Variants in PNPLA1 observed in about 807,000 individuals in gnomAD.
PNPLA1 encodes omega-hydroxyceramide transacylase.
Under a neutral mutation model 51.7 loss-of-function variants are expected in PNPLA1, and 36 were observed. That is an observed-to-expected ratio of 0.70 (90% CI 0.53 to 0.92). The LOEUF is 0.92. PNPLA1 is among the 40% of genes least tolerant of loss of function. PNPLA1 has a pLI of 0.00. For missense variants in PNPLA1, 658 were observed against 682.5 expected (o/e 0.96, Z 0.40); for synonymous variants, 293 against 280.1 (o/e 1.05, Z -0.46).
chr6:36,260,328 G>T (rs953854109), intron 1 of PNPLA1, among the ~76,000 whole-genome samples: 2 of 152,128 alleles, frequency 1.3e-5, no homozygotes, highest in African/African-American at 4.8e-5. Context: ...AATGGCAATT[G>T]ATGGTGAGAT....
At chr6:36,298,128 A>G (rs1403529347) in intron 5 of PNPLA1, among the ~76,000 whole-genome samples, 3 of 152,186 alleles carry the variant, frequency 2.0e-5, no homozygotes, top group African/African-American at 7.2e-5. Flanking sequence ...ATGTATAAAT[A>G]GTTTGTTCCT....
intron 5 of PNPLA1, among the ~76,000 whole-genome samples, chr6:36,296,840 T>G (rs1770872065): frequency 6.6e-6 from 1 of 152,060 alleles, no homozygotes; most frequent in South Asian, 2.1e-4. Flanking sequence ...TTTCCTAATC[T>G]GTAAAAAAAA....
At chr6:36,304,024 A>G (rs1269557070) in intron 6 of PNPLA1, among the ~76,000 whole-genome samples, 1 of 152,124 alleles carries the variant, frequency 6.6e-6, no homozygotes, top group East Asian at 1.9e-4. Context: ...TGGAGTAGAA[A>G]GAGCATTTCC....
At position 36,294,305 on chromosome 6, in the gene PNPLA1, T is replaced by G; in HGVS notation, c.620T>G (p.Ile207Ser). The change falls in exon 4 of 9, where the codon ATC becomes AGC. Residue 207 changes from isoleucine to serine, a missense_variant. Physicochemically the swap from Ile to Ser is moderately radical, Grantham distance 142. Coordinates refer to ENST00000636260, the MANE Select transcript of PNPLA1 (RefSeq NM_001374623.1). The surrounding 1 kb of genome is among the most constrained non-coding windows in gnomAD (Gnocchi z 4.2). ...ATCTGTCCCCGGGACTGCCCGGCCA[T>G]CTTCCACGACTTCCGCATGTTCAAC... is the stretch of plus-strand genomic sequence containing the variant. ...QDICPRDCPA[I>S]FHDFRMFNCS... 6.2e-7 allele frequency: 1 copy of G among 1,614,200 alleles called. No individual in the cohort carries two copies. Among genetic ancestry groups the G allele is most frequent in the Non-Finnish European group, 8.5e-7 (1 of 1,180,030 alleles).
intron 2 of PNPLA1, among the ~76,000 whole-genome samples, chr6:36,292,536 T>C (rs989949760): frequency 6.6e-6 from 1 of 152,180 alleles, no homozygotes; most frequent in African/African-American, 2.4e-5. Context: ...TGCCTGCTGC[T>C]GAAACCCAGT....
At position 36,270,679 on chromosome 6, in the gene PNPLA1, C is replaced by A. The variant is rs1342522151; in HGVS notation, c.205+15C>A. 4 of 1,549,352 alleles carry A rather than the reference C, an allele frequency of 2.6e-6. No individual in the cohort carries two copies. Among genetic ancestry groups the A allele is most frequent in the South Asian group, 1.2e-5 (1 of 83,956 alleles). On this transcript the variant is annotated intron_variant, in intron 1 of 8. Coordinates refer to ENST00000636260, the MANE Select transcript of PNPLA1 (RefSeq NM_001374623.1). The stretch of plus-strand genomic sequence containing the variant: ...GATTGAAATGGGTGAGGCCTGTGTT[C>A]TGGGTCCCCTGGGAAGTCTCTTGGG...
Position 36,248,395 on chromosome 6 carries a change from C to T in PNPLA1, c.-81+5134C>T, listed in dbSNP as rs74913143. On this transcript the variant is annotated intron_variant, in intron 1 of 7. Transcript: ENST00000312917. ...TATTATTACTTCTATTTTATTGAGA[C>T]ACAAGGAAATTGCGTAACCACACAC... Among the ~76,000 whole-genome samples the T allele has an allele frequency of 8.7e-4, 133 of 152,266 alleles. 4 individuals are homozygous for T. In the East Asian group the frequency reaches 0.025, roughly 28 times the overall value.
chr6:36,297,804 C>T (rs752081098), intron 5 of PNPLA1, among the ~76,000 whole-genome samples: 6 of 152,186 alleles, frequency 3.9e-5, no homozygotes, highest in East Asian at 1.9e-4. Context: ...ACCTCTCTTC[C>T]GCCCTCCTCC....
At chr6:36,292,969 G>A in intron 2 of PNPLA1, 92 bp from the exon 3 acceptor site, 1 of 1,112,652 alleles carries the variant, frequency 9.0e-7, no homozygotes, top group Non-Finnish European at 1.3e-6. Flanking sequence ...AGGAGGTCTG[G>A]GCTGGTGGTG....
chr6:36,286,643 A>G (rs1291064962), intron 1 of PNPLA1, among the ~76,000 whole-genome samples: 1 of 152,272 alleles, frequency 6.6e-6, no homozygotes, highest in African/African-American at 2.4e-5. Flanking sequence ...CATAGCTTCC[A>G]AGTGCCGTTC....
chr6:36,297,515 G>T (rs911557980), intron 5 of PNPLA1, among the ~76,000 whole-genome samples: 1 of 152,130 alleles, frequency 6.6e-6, no homozygotes, highest in Non-Finnish European at 1.5e-5. Context: ...CACCCCAAAA[G>T]GTGTCACCCT....
chr6:36,293,843 G>A (rs1770766614), intron 3 of PNPLA1, among the ~76,000 whole-genome samples: 1 of 152,202 alleles, frequency 6.6e-6, no homozygotes. Flanking sequence ...CAGGTGGTGG[G>A]GCTGTAGCAG....
intron 5 of PNPLA1, among the ~76,000 whole-genome samples, chr6:36,298,109 T>C (rs1458982869): frequency 6.6e-6 from 1 of 152,214 alleles, no homozygotes; most frequent in East Asian, 1.9e-4. Context: ...GATTCATCCA[T>C]GTTGTTGAAT....
intron 1 of PNPLA1, among the ~76,000 whole-genome samples, chr6:36,271,754 CA>C (rs934926874): frequency 6.6e-6 from 1 of 152,180 alleles, no homozygotes; most frequent in Non-Finnish European, 1.5e-5. Context: ...GGGAGGTCAA[CA>C]GGGGCCAGGT....
At chr6:36,305,207 C>T (rs1771193647) in intron 6 of PNPLA1, among the ~76,000 whole-genome samples, 2 of 152,066 alleles carry the variant, frequency 1.3e-5, no homozygotes, top group Admixed American at 1.3e-4. Flanking sequence ...TTTTTCAGCT[C>T]ATCAGCTATC....
chr6:36,275,963 T>C (rs1285892373), intron 1 of PNPLA1, among the ~76,000 whole-genome samples: 1 of 150,950 alleles, frequency 6.6e-6, no homozygotes, highest in Non-Finnish European at 1.5e-5. Flanking sequence ...TTTCTTTCTT[T>C]CTTTCTTTCT....
intron 1 of PNPLA1, among the ~76,000 whole-genome samples, chr6:36,256,930 G>T (rs906098177): frequency 6.6e-6 from 1 of 152,192 alleles, no homozygotes; most frequent in Non-Finnish European, 1.5e-5. Context: ...GAGAGGAAGT[G>T]GGGGGATATA....
chr6:36,278,899 G>A (rs565929268), intron 1 of PNPLA1, among the ~76,000 whole-genome samples: 1 of 152,236 alleles, frequency 6.6e-6, no homozygotes, highest in East Asian at 1.9e-4. Context: ...TTAAACCATA[G>A]AAAATTAAGC....
chr6:36,307,500 T>C (rs1771274847), intron 7 of PNPLA1, 87 bp from the exon 8 acceptor site: 2 of 1,481,280 alleles, frequency 1.4e-6, no homozygotes, highest in East Asian at 2.3e-5. Flanking sequence ...AGCGCGGGTG[T>C]GTCCACCTGC....
Sources: gnomAD v4.1 joint callset for allele counts (sites outside exome capture counted in the v4.1 genomes callset) on GRCh38, gnomAD v4.1.1 for gene constraint, Gnocchi (gnomAD v3.1) non-coding constraint, MANE v1.5 for transcripts, NCBI Gene and HGNC (gene_info 2026-07-23, HGNC 2026-07-21) for gene names.